ZFYVE28: variants seen among roughly 807,000 people sequenced by gnomAD.
ZFYVE28 encodes the protein zinc finger FYVE-type containing 28, also known as lateral signaling target protein 2 homolog.
Under a neutral mutation model 82.1 loss-of-function variants are expected in ZFYVE28, and 40 were observed. The observed-to-expected ratio is 0.49, with a 90% CI of 0.38 to 0.63. The LOEUF (loss-of-function observed/expected upper bound fraction) is 0.63. Among genes scored for constraint, ZFYVE28 ranks in the 30% least tolerant of loss-of-function variants. ZFYVE28 has a pLI of 0.00. For synonymous variants in ZFYVE28, 612 were observed against 546.1 expected, an observed-to-expected ratio of 1.12 and a Z score of -1.68; for missense variants, 1,321 against 1,242.1, an observed-to-expected ratio of 1.06 and a Z score of -0.96.
At chr4:2,338,057 G>A (rs1306270201) in intron 4 of ZFYVE28, among the ~76,000 whole-genome samples, 2 of 152,240 alleles carry the variant, frequency 1.3e-5, no homozygotes, top group Non-Finnish European at 1.5e-5. Flanking sequence ...CTGCCCATGT[G>A]CGGGACCATC....
chr4:2,382,192 G>C (rs1415064407), intron 1 of ZFYVE28, among the ~76,000 whole-genome samples: 1 of 152,258 alleles, frequency 6.6e-6, no homozygotes, highest in Non-Finnish European at 1.5e-5. Context: ...ACCTCTGCTA[G>C]GGCAGTGTGG....
chr4:2,339,377 CAGGGTG>C lies in ZFYVE28; in HGVS notation c.521+70_521+75del. ...TGTGGAATTTTCCAGCTTGAAGTAT[CAGGGTG>C]AGCCCCGGAAGCTGGCACAACCGTC... On this transcript the variant is annotated intron_variant, in intron 4 of 12. Coordinates refer to ENST00000290974, the MANE Select transcript of ZFYVE28 (RefSeq NM_020972.3). This position sits in a 1 kb window ranked among gnomAD's most constrained non-coding sequence, Gnocchi z 5.0. 6.7e-7 allele frequency: 1 copy of C among 1,497,262 alleles called. No individual in the cohort carries two copies. The highest frequency in any genetic ancestry group is 1.9e-4 in the Middle Eastern group (1 of 5,384). 92.7% of individuals were successfully genotyped at this position (1,497,262 alleles called of 1,614,324 possible).
chr4:2,414,127 G>T (rs1183518809), intron 1 of ZFYVE28, among the ~76,000 whole-genome samples: 1 of 152,246 alleles, frequency 6.6e-6, no homozygotes, highest in Non-Finnish European at 1.5e-5. Context: ...GGTACAGAGT[G>T]CTGGCCACCA....
Position 2,339,788 on chromosome 4 carries a change from CG to C in ZFYVE28, c.319-134del. ...CACAGCACAGGCCAGCTCGTGTTCC[CG>C]GTCCCCGCAGGAGGTTTTTCTTACA... is the stretch of plus-strand genomic sequence containing the variant. On this transcript the variant is annotated intron_variant, in intron 3 of 12. Transcript: ENST00000290974. The surrounding 1 kb of genome is among the most constrained non-coding windows in gnomAD (Gnocchi z 5.0). 1.3e-6 allele frequency: 1 copy of C among 766,164 alleles called. No homozygotes were observed. The highest frequency in any genetic ancestry group is 2.1e-6 in the Non-Finnish European group (1 of 487,710). 47.5% of individuals were successfully genotyped at this position (766,164 alleles called of 1,614,324 possible). A position where few individuals can be genotyped will look rare whatever the true frequency, so the allele number is the denominator to read the frequency against.
chr4:2,412,950 G>A (rs940906789), intron 1 of ZFYVE28, among the ~76,000 whole-genome samples: 4 of 151,838 alleles, frequency 2.6e-5, no homozygotes, highest in African/African-American at 7.3e-5. Flanking sequence ...TATCAATTAC[G>A]TGAAGCTCTC....
chr4:2,304,178 G>A (rs370808364), intron 8 of ZFYVE28, 111 bp downstream of exon 8: 159 of 1,389,248 alleles, frequency 1.1e-4, no homozygotes, highest in Middle Eastern at 2.1e-4. Context: ...AGCACCTGCC[G>A]GTGGCCAAGA....
Position 2,394,772 on chromosome 4 carries a change from G to T in ZFYVE28, c.39+23513C>A, listed in dbSNP as rs1265741081. Among the ~76,000 whole-genome samples the T allele has an allele frequency of 6.6e-6, 1 of 152,224 alleles. No homozygotes were observed. Among genetic ancestry groups the T allele is most frequent in the East Asian group, 1.9e-4 (1 of 5,192 alleles). Reference sequence around the variant, plus strand: ...CACGTGTGCGTGCTTCCATTACACTGTCGGCGGTCAGAGGCGTCCTCGTCC... The same window carrying T: ...CACGTGTGCGTGCTTCCATTACACTTTCGGCGGTCAGAGGCGTCCTCGTCC... On this transcript the variant is annotated intron_variant, in intron 1 of 12. Coordinates refer to ENST00000290974, the MANE Select transcript of ZFYVE28 (RefSeq NM_020972.3). This position sits in a 1 kb window ranked among gnomAD's most constrained non-coding sequence, Gnocchi z 4.0.
rs577647677 is a variant in ZFYVE28, at chr4:2,412,961, G to A, written c.39+5324C>T. On this transcript the variant is annotated intron_variant, in intron 1 of 12. Coordinates refer to ENST00000290974, the MANE Select transcript of ZFYVE28 (RefSeq NM_020972.3). ...CAAATATCAATTACGTGAAGCTCTC[G>A]ACTCTCTGCCTCTGACTCGCCCATT... 2.1e-3 allele frequency among the ~76,000 whole-genome samples: 311 copies of A among 151,632 alleles called. 2 individuals are homozygous for A. Among genetic ancestry groups the A allele is most frequent in the Non-Finnish European group, 3.5e-3 (237 of 68,012 alleles).
Position 2,303,956 on chromosome 4 carries a change from A to G in ZFYVE28, c.2051+333T>C, listed in dbSNP as rs545839193. 2.0e-5 allele frequency among the ~76,000 whole-genome samples: 3 copies of G among 152,324 alleles called. No homozygotes were observed. In the East Asian group the frequency reaches 5.8e-4, roughly 29 times the overall value. On this transcript the variant is annotated intron_variant, in intron 8 of 12. Transcript: ENST00000290974. The stretch of plus-strand genomic sequence containing the variant: ...CCCGCACAGGCACGCGGCTCACACC[A>G]GGGGCGGGATGGGCCGGGGCTGCGG...
rs1718979423 is a variant in ZFYVE28, at chr4:2,320,894, AC to A, written c.702-624del. Among the ~76,000 whole-genome samples the A allele has an allele frequency of 6.6e-6, 1 of 151,782 alleles. No homozygotes were observed. The highest frequency in any genetic ancestry group is 1.5e-5 in the Non-Finnish European group (1 of 67,928). On this transcript the variant is annotated intron_variant, in intron 6 of 12. Coordinates refer to ENST00000290974, the MANE Select transcript of ZFYVE28 (RefSeq NM_020972.3). The surrounding 1 kb of genome is among the most constrained non-coding windows in gnomAD (Gnocchi z 5.1). ...CATGTGGCTGAGGCCGGCTTTCCTC[AC>A]TGTCCCTCCCCCAGAGTCCGGCTCA... is the stretch of plus-strand genomic sequence containing the variant.
Position 2,341,377 on chromosome 4 carries a change from C to G in ZFYVE28, c.318+101G>C. 1 of 1,494,210 alleles carries G rather than the reference C, an allele frequency of 6.7e-7. No homozygotes were observed. The highest frequency in any genetic ancestry group is 9.1e-7 in the Non-Finnish European group (1 of 1,101,790). 92.6% of individuals were successfully genotyped at this position (1,494,210 alleles called of 1,614,324 possible). ...TGGACGGAGCTCTTGGAGGAGACAC[C>G]AGGTCCCGGCACCTGCAGGCGCCCA... On this transcript the variant is annotated intron_variant, in intron 3 of 12. Coordinates refer to ENST00000290974, the MANE Select transcript of ZFYVE28 (RefSeq NM_020972.3). The surrounding 1 kb of genome is among the most constrained non-coding windows in gnomAD (Gnocchi z 4.5).
intron 8 of ZFYVE28, among the ~76,000 whole-genome samples, chr4:2,274,424 A>G (rs1736211966): frequency 1.3e-5 from 2 of 152,194 alleles, no homozygotes. Flanking sequence ...AGGTGGTACA[A>G]CAGGGCTCTG....
intron 7 of ZFYVE28, among the ~76,000 whole-genome samples, chr4:2,306,040 A>G (rs1386068396): frequency 6.6e-6 from 1 of 152,264 alleles, no homozygotes; most frequent in Non-Finnish European, 1.5e-5. Flanking sequence ...ATAAACAAGC[A>G]TTTATACAAA....
chr4:2,274,902 G>A (rs1041446279), intron 8 of ZFYVE28, among the ~76,000 whole-genome samples: 1 of 135,410 alleles, frequency 7.4e-6, no homozygotes, highest in African/African-American at 3.7e-5. Context: ...CCTGGAGCCT[G>A]CAGACGGAGT....
At chr4:2,280,466 C>T (rs1309129183) in intron 8 of ZFYVE28, among the ~76,000 whole-genome samples, 1 of 152,124 alleles carries the variant, frequency 6.6e-6, no homozygotes, top group Non-Finnish European at 1.5e-5. Context: ...TGTGATCACA[C>T]CACTGCACTC....
chr4:2,303,707 C>G (rs1222805076), intron 8 of ZFYVE28, among the ~76,000 whole-genome samples: 2 of 152,096 alleles, frequency 1.3e-5, no homozygotes, highest in African/African-American at 2.4e-5. Context: ...AGGAGAGAGT[C>G]CTGGGAGGGG....
rs558085876 is a variant in ZFYVE28 at position 2,405,473 on chromosome 4, A to G, written c.39+12812T>C. ...TGGTCGACTGATGGGTGCGCTGAGC[A>G]GACTTACAGTTTCCCATCATTCCCT... On this transcript the variant is annotated intron_variant, in intron 1 of 12. Transcript: ENST00000290974. Among the ~76,000 whole-genome samples, 11 of 152,370 alleles carry G rather than the reference A, an allele frequency of 7.2e-5. No individual in the cohort carries two copies. The East Asian group carries it at 1.7e-3, about 24-fold the overall frequency.
At position 2,304,296 on chromosome 4, in the gene ZFYVE28, C is replaced by T. The variant is rs779218367; in HGVS notation, c.2044G>A (p.Gly682Ser). 1 of 1,571,958 alleles carries T rather than the reference C, an allele frequency of 6.4e-7. No homozygotes were observed. Among genetic ancestry groups the T allele is most frequent in the South Asian group, 1.1e-5 (1 of 87,484 alleles). ...SAHEAPQALSGSSSSTAGSCS... is the reference protein window; with the variant it reads ...SAHEAPQALSSSSSSTAGSCS... Reference sequence around the variant, plus strand: ...GGCCAGACTGGCTCTTACCTGGAGCCCGACAGGGCCTGAGGCGCCTCGTGA... The same window carrying T: ...GGCCAGACTGGCTCTTACCTGGAGCTCGACAGGGCCTGAGGCGCCTCGTGA... The change falls in exon 8 of 13, where the codon GGC becomes AGC. Residue 682 changes from glycine to serine, a missense_variant. Coordinates refer to ENST00000290974, the MANE Select transcript of ZFYVE28 (RefSeq NM_020972.3).
chr4:2,308,225 T>G (rs1168134907), intron 7 of ZFYVE28, among the ~76,000 whole-genome samples: 1 of 152,064 alleles, frequency 6.6e-6, no homozygotes, highest in Non-Finnish European at 1.5e-5. Context: ...GCTCAAGAGC[T>G]CCTCCCACCT....
Sources: gnomAD v4.1 joint callset for allele counts (sites outside exome capture counted in the v4.1 genomes callset) on GRCh38, gnomAD v4.1.1 for gene constraint, Gnocchi (gnomAD v3.1) non-coding constraint, MANE v1.5 for transcripts, NCBI Gene and HGNC (gene_info 2026-07-23, HGNC 2026-07-21) for gene names.